The following TMX2 variants were observed in gnomAD, a reference collection of about 807,000 sequenced individuals.
The protein encoded by TMX2 is thioredoxin related transmembrane protein 2, also known as thioredoxin-related transmembrane protein 2.
Under a neutral mutation model 33.4 loss-of-function variants are expected in TMX2, and 20 were observed. The observed-to-expected ratio is 0.60, with a 90% CI of 0.42 to 0.87. The LOEUF (loss-of-function observed/expected upper bound fraction) is 0.87, where lower values mean the gene tolerates loss of function less well. Ranked by LOEUF, TMX2 falls within the 40% of genes least tolerant of loss-of-function variation. The pLI is 0.00. For synonymous variants in TMX2, 166 were observed against 140.7 expected (o/e 1.18, Z -1.27); for missense variants, 340 against 370.7 (o/e 0.92, Z 0.68).
intron 1 of TMX2, among the ~76,000 whole-genome samples, chr11:57,724,069 TAAAA>T (rs919678649): frequency 1.3e-5 from 2 of 151,718 alleles, no homozygotes; most frequent in East Asian, 3.9e-4. Context: ...CTTCTTTTTT[TAAAA>T]AAAACTTTAG....
At chr11:57,724,487 A>G (rs1343674988) in intron 1 of TMX2, among the ~76,000 whole-genome samples, 17 of 152,104 alleles carry the variant, frequency 1.1e-4, no homozygotes, top group Admixed American at 1.1e-3. Context: ...GTGCCCTCCT[A>G]CAGAATCATA....
chr11:57,737,617 G>A lies in TMX2; in HGVS notation c.199G>A (p.Glu67Lys). The A allele has an allele frequency of 6.2e-7, 1 of 1,613,986 alleles. No individual in the cohort carries two copies. Among genetic ancestry groups the A allele is most frequent in the East Asian group, 2.2e-5 (1 of 44,888 alleles). Reference sequence around the variant, plus strand: ...TTCGATTCTGTTCCAGAGAGAAGTGGAGATCCTGATGTTTCTCAGTGCCAT... The same window carrying A: ...TTCGATTCTGTTCCAGAGAGAAGTGAAGATCCTGATGTTTCTCAGTGCCAT... ...NPCDFDWREV[E>K]ILMFLSAIVM... Residue 67 changes from glutamate to lysine, a missense_variant, in exon 2 of 8, where the codon GAG (glutamate) becomes AAG (lysine). Transcript: ENST00000278422.
intron 1 of TMX2, chr11:57,718,622 T>C (rs1330711061): frequency 1.0e-5 from 4 of 398,936 alleles, no homozygotes; most frequent in Non-Finnish European, 1.9e-5. Flanking sequence ...ATTGTTTTCC[T>C]CCATTCATTT....
chr11:57,719,031 A>T (rs145406571), intron 1 of TMX2, among the ~76,000 whole-genome samples: 2,225 of 81,806 alleles, frequency 0.027, 131 homozygotes, highest in African/African-American at 0.089. Flanking sequence ...ATATATATAT[A>T]TATTTTTTTT....
chr11:57,720,665 T>G (rs528846797), intron 1 of TMX2, among the ~76,000 whole-genome samples: 2 of 152,382 alleles, frequency 1.3e-5, no homozygotes, highest in South Asian at 4.1e-4. Context: ...CCCACAGTGC[T>G]GGGATTACAG....
chr11:57,736,704 A>G (rs1011400974), intron 1 of TMX2, among the ~76,000 whole-genome samples: 7 of 152,072 alleles, frequency 4.6e-5, no homozygotes, highest in Admixed American at 3.3e-4. Context: ...CCCGGGCAAC[A>G]TGGGGAGACC....
At chr11:57,718,405 T>C (rs1947321435) in intron 1 of TMX2, 7 of 1,393,240 alleles carry the variant, frequency 5.0e-6, no homozygotes, top group Non-Finnish European at 7.1e-6. Context: ...CAAATCCTTT[T>C]TGTCCAGTGC....
rs751433644 is a variant in TMX2, at chr11:57,712,733, G to C, written c.115G>C (p.Val39Leu). The C allele has an allele frequency of 1.9e-6, 3 of 1,613,964 alleles. No homozygotes were observed. The highest frequency in any genetic ancestry group is 1.3e-5 in the African/African-American group (1 of 74,900). ...CCTGCTCTCTGCTGCCTTCCTACTC[G>C]TGAGGAAACTGCCGCCGCTCTGCCA... ...SALLSAAFLL[V>L]RKLPPLCHGL... is the part of the protein sequence containing the mutation. The change falls in exon 1 of 8, where the codon GTG becomes CTG. Residue 39 changes from valine to leucine, a missense_variant. Physicochemically the swap from Val to Leu is conservative, Grantham distance 32 (BLOSUM62 1). Around this residue, in one of 3 missense-constraint regions of TMX2, gnomAD observed 106 missense variants for 82.7 expected, o/e 1.28. Coordinates refer to ENST00000278422, the MANE Select transcript of TMX2 (RefSeq NM_015959.4).
At chr11:57,718,434 C>A in intron 1 of TMX2, 1 of 1,229,732 alleles carries the variant, frequency 8.1e-7, no homozygotes, top group Non-Finnish European at 1.2e-6. Flanking sequence ...CGAAAGTTTT[C>A]TGTTGTCTTT....
At chr11:57,717,349 G>A (rs1474818321) in intron 1 of TMX2, among the ~76,000 whole-genome samples, 2 of 152,132 alleles carry the variant, frequency 1.3e-5, no homozygotes, top group African/African-American at 2.4e-5. Context: ...GGCCAAGGCA[G>A]GCGGCTGGGA....
At chr11:57,738,239 A>G (rs1590976702) in intron 3 of TMX2, 115 bp from the exon 4 acceptor site, 5 of 824,346 alleles carry the variant, frequency 6.1e-6, no homozygotes, top group African/African-American at 1.7e-5. Flanking sequence ...TTGGTGGTCT[A>G]CATATATCCA....
In TMX2 at chr11:57,719,041, T is replaced by A. The variant is rs1177061419; in HGVS notation, c.189+6234T>A. 3.5e-5 allele frequency among the ~76,000 whole-genome samples: 5 copies of A among 140,988 alleles called. No homozygotes were observed. The Admixed American group carries it at 3.6e-4, about 10-fold the overall frequency. 92.5% of individuals were successfully genotyped at this position (140,988 alleles called of 152,430 possible). ...AGGCCATATATATATATATTTTTTT[T>A]TTTTTTTTTTTTTTGAGACAGAGTC... On this transcript the variant is annotated intron_variant, in intron 1 of 7. Coordinates refer to ENST00000278422, the MANE Select transcript of TMX2 (RefSeq NM_015959.4).
At chr11:57,718,252 G>A in intron 1 of TMX2, 1 of 1,513,508 alleles carries the variant, frequency 6.6e-7, no homozygotes, top group Non-Finnish European at 9.2e-7. Flanking sequence ...AAGGTGCCAG[G>A]ACCTGTATGC....
At chr11:57,722,298 A>T (rs937459890) in intron 1 of TMX2, among the ~76,000 whole-genome samples, 27 of 152,186 alleles carry the variant, frequency 1.8e-4, no homozygotes, top group Non-Finnish European at 1.6e-4. Context: ...CACCGCACCC[A>T]GCTTCAGTGA....
intron 1 of TMX2, among the ~76,000 whole-genome samples, chr11:57,715,680 TAAAC>T (rs1175559751): frequency 6.7e-6 from 1 of 150,126 alleles, no homozygotes; most frequent in Non-Finnish European, 1.5e-5. Flanking sequence ...GGTTGGCAGA[TAAAC>T]AAGTGAACAA....
At chr11:57,718,001 G>A in intron 1 of TMX2, 3 of 795,826 alleles carry the variant, frequency 3.8e-6, no homozygotes, top group South Asian at 2.7e-5. Flanking sequence ...GAGCACAGAA[G>A]GAATGGTCTG....
intron 1 of TMX2, among the ~76,000 whole-genome samples, chr11:57,714,380 A>C (rs1169819595): frequency 6.6e-6 from 1 of 152,220 alleles, no homozygotes; most frequent in East Asian, 1.9e-4. Context: ...ATGGAACAAG[A>C]CAAACAAAGC....
intron 1 of TMX2, among the ~76,000 whole-genome samples, chr11:57,733,612 C>G (rs889973947): frequency 5.3e-5 from 8 of 151,368 alleles, no homozygotes; most frequent in African/African-American, 1.9e-4. Flanking sequence ...TAAAGTTTCT[C>G]TAAGAAAAAA....
intron 1 of TMX2, among the ~76,000 whole-genome samples, chr11:57,726,103 C>T (rs916477101): frequency 6.6e-6 from 1 of 152,052 alleles, no homozygotes; most frequent in African/African-American, 2.4e-5. Flanking sequence ...TACAGTAGCT[C>T]CACATAAAAG....
Sources: gnomAD v4.1 joint callset for allele counts (sites outside exome capture counted in the v4.1 genomes callset) on GRCh38, gnomAD v4.1.1 for gene constraint, gnomAD v4.1.1 regional missense constraint, MANE v1.5 for transcripts, NCBI Gene and HGNC (gene_info 2026-07-23, HGNC 2026-07-21) for gene names.